The following KIAA1549L variants were observed in gnomAD, a reference collection of about 807,000 sequenced individuals.
The protein encoded by KIAA1549L is KIAA1549 like, also known as UPF0606 protein KIAA1549L.
KIAA1549L carries 88 observed loss-of-function variants against 160.7 expected under a neutral mutation model. That is an observed-to-expected ratio of 0.55 (90% confidence interval 0.46 to 0.65). The LOEUF is 0.65. Ranked by LOEUF, KIAA1549L falls within the 30% of genes least tolerant of loss-of-function variation. The pLI, the probability that KIAA1549L is intolerant of heterozygous loss-of-function variation, is 0.00. For synonymous variants in KIAA1549L, 950 were observed against 976.7 expected, an observed-to-expected ratio of 0.97 and a Z score of 0.51; for missense variants, 2,258 against 2,437.5, an observed-to-expected ratio of 0.93 and a Z score of 1.55.
chr11:33,604,276 A>C (rs894595192), intron 13 of KIAA1549L, among the ~76,000 whole-genome samples: 1 of 152,190 alleles, frequency 6.6e-6, no homozygotes, highest in African/African-American at 2.4e-5. Context: ...CTGAGCTGTC[A>C]TCTAGAGTCT....
intron 1 of KIAA1549L, among the ~76,000 whole-genome samples, chr11:33,434,538 G>T (rs1851317595): frequency 6.6e-6 from 1 of 152,132 alleles, no homozygotes; most frequent in Non-Finnish European, 1.5e-5. Context: ...GGGTCATATG[G>T]CCCAAGTGCA....
Position 33,545,005 on chromosome 11 carries a change from C to T in KIAA1549L, c.3012C>T (p.Phe1004=), listed in dbSNP as rs775206064. 2 of 1,614,016 alleles carry T rather than the reference C, an allele frequency of 1.2e-6. No individual in the cohort carries two copies. Among genetic ancestry groups the T allele is most frequent in the South Asian group, 2.2e-5 (2 of 91,078 alleles). The change falls in exon 3 of 21, where the codon TTC becomes TTT. Residue 1004 remains phenylalanine, a synonymous_variant. Coordinates refer to ENST00000658780, the MANE Select transcript of KIAA1549L (RefSeq NM_012194.3). ...CACCAGGGGCAGTCCATACAGCCTT[C>T]CCATTCACACCAACCTACATGTATG... ...KRTPGAVHTA[F]PFTPTYMYAR... is the part of the protein sequence containing the mutation.
intron 15 of KIAA1549L, 56 bp downstream of exon 15, chr11:33,610,022 A>G: frequency 7.3e-7 from 1 of 1,376,078 alleles, no homozygotes; most frequent in Non-Finnish European, 1.0e-6. Context: ...GGATAAGGGC[A>G]GGCCTTGGGC....
intron 11 of KIAA1549L, among the ~76,000 whole-genome samples, 197 bp downstream of exon 11, chr11:33,583,698 CTTCCAAGTGT>C (rs1197539870): frequency 1.3e-5 from 2 of 152,198 alleles, no homozygotes; most frequent in South Asian, 2.1e-4. Flanking sequence ...GCCATCAGTG[CTTCCAAGTGT>C]TTTATATACA....
chr11:33,441,564 C>T lies in KIAA1549L; in HGVS notation c.238+64675C>T, dbSNP rs1409307583. Among the ~76,000 whole-genome samples, 6 of 152,180 alleles carry T rather than the reference C, an allele frequency of 3.9e-5. No individual in the cohort carries two copies. In the East Asian group the frequency reaches 7.7e-4, roughly 20 times the overall value. ...GTGTAAAAATGTTCCTGTTTCTCCA[C>T]ATCCTCTCCAGCACCTGTTGTTTCC... On this transcript the variant is annotated intron_variant, in intron 1 of 20. Coordinates refer to ENST00000658780, the MANE Select transcript of KIAA1549L (RefSeq NM_012194.3).
intron 12 of KIAA1549L, among the ~76,000 whole-genome samples, chr11:33,597,770 T>G (rs1312320073): frequency 6.6e-6 from 1 of 152,230 alleles, no homozygotes; most frequent in East Asian, 1.9e-4. Flanking sequence ...AAGGGCTGCC[T>G]TATCTTTGGT....
At chr11:33,382,481 T>C (rs1413001469) in intron 1 of KIAA1549L, among the ~76,000 whole-genome samples, 1 of 151,916 alleles carries the variant, frequency 6.6e-6, no homozygotes, top group African/African-American at 2.4e-5. Flanking sequence ...CATAAGACAA[T>C]TCTTATGAAG....
At position 33,448,380 on chromosome 11, in the gene KIAA1549L, G is replaced by T. The variant is rs1473871820; in HGVS notation, c.238+71491G>T. ...GAGCCTTATTCTCAATACTGTGTGTGTTTATCTCTTAAAATACATTTCCTT... is the reference window on the plus strand; with the variant it reads ...GAGCCTTATTCTCAATACTGTGTGTTTTTATCTCTTAAAATACATTTCCTT... On this transcript the variant is annotated intron_variant, in intron 1 of 20. Coordinates refer to ENST00000658780, the MANE Select transcript of KIAA1549L (RefSeq NM_012194.3). Among the ~76,000 whole-genome samples the T allele has an allele frequency of 3.9e-5, 6 of 152,244 alleles. No individual in the cohort carries two copies. In the East Asian group the frequency reaches 9.7e-4, roughly 25 times the overall value.
intron 1 of KIAA1549L, among the ~76,000 whole-genome samples, chr11:33,455,414 C>T (rs978401447): frequency 6.6e-6 from 1 of 152,118 alleles, no homozygotes; most frequent in Non-Finnish European, 1.5e-5. Context: ...TACTTTTGGA[C>T]ATTAAAGCTT....
chr11:33,555,123 AATTTTTCTTACTAATTTTTCTTAC>A (rs1854605090), intron 6 of KIAA1549L, among the ~76,000 whole-genome samples: 1 of 16,540 alleles, frequency 6.0e-5, no homozygotes. Flanking sequence ...TTTTTCTTAC[AATTTTTCTTACTAATTTTTCTTAC>A]AAAAAATTAG....
At chr11:33,499,973 C>T (rs1480637262) in intron 1 of KIAA1549L, among the ~76,000 whole-genome samples, 2 of 152,130 alleles carry the variant, frequency 1.3e-5, no homozygotes, top group Non-Finnish European at 2.9e-5. Flanking sequence ...TCCACATATC[C>T]AACTCCCTGC....
At chr11:33,590,985 T>C (rs944271084) in intron 11 of KIAA1549L, among the ~76,000 whole-genome samples, 1 of 152,258 alleles carries the variant, frequency 6.6e-6, no homozygotes, top group Non-Finnish European at 1.5e-5. Context: ...CTTAAACACC[T>C]GTTTACATGT....
chr11:33,600,969 C>T (rs1312557356), intron 13 of KIAA1549L, among the ~76,000 whole-genome samples: 2 of 152,104 alleles, frequency 1.3e-5, no homozygotes, highest in African/African-American at 4.8e-5. Context: ...TTCTGGCCTG[C>T]TCTAGATGTC....
chr11:33,568,896 C>A (rs12289460), intron 9 of KIAA1549L, among the ~76,000 whole-genome samples: 4,705 of 152,210 alleles, frequency 0.031, 265 homozygotes, highest in African/African-American at 0.11. Context: ...GTTGGAAGTG[C>A]CTGAGAATTA....
At chr11:33,624,648 T>C (rs1851047999) in intron 16 of KIAA1549L, among the ~76,000 whole-genome samples, 1 of 152,180 alleles carries the variant, frequency 6.6e-6, no homozygotes, top group Non-Finnish European at 1.5e-5. Flanking sequence ...TTGCAGATTA[T>C]GTGTTTCTTT....
intron 17 of KIAA1549L, among the ~76,000 whole-genome samples, chr11:33,648,434 C>T (rs886253339): frequency 2.0e-5 from 3 of 151,314 alleles, no homozygotes; most frequent in African/African-American, 7.3e-5. Flanking sequence ...TTAACCCAAG[C>T]TCATGCAGAG....
chr11:33,466,975 G>A lies in KIAA1549L; in HGVS notation c.239-74827G>A, dbSNP rs1255189626. 2.7e-5 allele frequency among the ~76,000 whole-genome samples: 4 copies of A among 147,774 alleles called. No individual in the cohort carries two copies. In the South Asian group the frequency reaches 8.9e-4, roughly 33 times the overall value. On this transcript the variant is annotated intron_variant, in intron 1 of 20. Coordinates refer to ENST00000658780, the MANE Select transcript of KIAA1549L (RefSeq NM_012194.3). The stretch of plus-strand genomic sequence containing the variant: ...CACACACTGGGGCCTGTTGGGGGGT[G>A]GGGGGTTGGGGCAGGGATAGTGTTA...
chr11:33,650,020 C>T (rs1317234919), intron 17 of KIAA1549L, among the ~76,000 whole-genome samples: 5 of 152,152 alleles, frequency 3.3e-5, no homozygotes, highest in Non-Finnish European at 7.3e-5. Context: ...TCTGGTTATA[C>T]AAAAGTTATT....
chr11:33,543,403 G>A lies in KIAA1549L; in HGVS notation c.1840G>A (p.Ala614Thr), dbSNP rs1217319745. 1 of 1,613,950 alleles carries A rather than the reference G, an allele frequency of 6.2e-7. No homozygotes were observed. The highest frequency in any genetic ancestry group is 1.1e-5 in the South Asian group (1 of 91,076). Residue 614 changes from alanine (A) to threonine (T), a missense_variant, in exon 2 of 21, where the codon GCA becomes ACA. By Grantham distance (58) the Ala-to-Thr change is moderately conservative (BLOSUM62 0). Transcript: ENST00000658780. ...TGSVSSPIIT[A>T]PRTNPLPSGP... ...TAGTGTCTCATCTCCCATCATTACA[G>A]CACCAAGGACGAATCCCCTTCCTTC...
Sources: gnomAD v4.1 joint callset for allele counts (sites outside exome capture counted in the v4.1 genomes callset) on GRCh38, gnomAD v4.1.1 for gene constraint, MANE v1.5 for transcripts, NCBI Gene and HGNC (gene_info 2026-07-23, HGNC 2026-07-21) for gene names.